Variants in ADCY8 observed in about 807,000 individuals in gnomAD.
The protein encoded by ADCY8 is adenylate cyclase 8.
In ADCY8, 51 loss-of-function variants were observed where a neutral mutation model predicts 119.7. That is an observed-to-expected ratio of 0.43 (90% CI 0.34 to 0.54). The LOEUF (loss-of-function observed/expected upper bound fraction) is 0.54, where lower values mean the gene tolerates loss of function less well. ADCY8 is among the 20% of genes least tolerant of loss of function. ADCY8 has a pLI of 0.03. For synonymous variants in ADCY8, 665 were observed against 651.0 expected (o/e 1.02, Z -0.33); for missense variants, 1,383 against 1,598.8 (o/e 0.87, Z 2.30).
intron 15 of ADCY8, among the ~76,000 whole-genome samples, chr8:130,795,461 G>A (rs1348659114): frequency 6.6e-6 from 1 of 152,250 alleles, no homozygotes; most frequent in Non-Finnish European, 1.5e-5. Flanking sequence ...CCGACCCTGA[G>A]TGGGAGAGTT....
chr8:130,886,547 A>G (rs4736717), intron 7 of ADCY8, among the ~76,000 whole-genome samples: 104,839 of 151,950 alleles, frequency 0.69, 36,318 homozygotes, highest in East Asian at 0.85. Context: ...TTGGTCAGAA[A>G]TTTTTTTCAT....
chr8:130,961,827 C>A (rs2130684673), intron 2 of ADCY8, among the ~76,000 whole-genome samples: 1 of 152,190 alleles, frequency 6.6e-6, no homozygotes, highest in Admixed American at 6.5e-5. Flanking sequence ...CTCATGGATG[C>A]ATTTTCTGCA....
At chr8:130,952,283 C>A (rs1821298028) in intron 2 of ADCY8, among the ~76,000 whole-genome samples, 1 of 152,084 alleles carries the variant, frequency 6.6e-6, no homozygotes, top group African/African-American at 2.4e-5. Flanking sequence ...CCAAAGATAC[C>A]TACACACATT....
At chr8:130,788,489 A>G (rs1319558714) in intron 15 of ADCY8, among the ~76,000 whole-genome samples, 5 of 152,112 alleles carry the variant, frequency 3.3e-5, no homozygotes, top group Non-Finnish European at 7.4e-5. Flanking sequence ...ATGGGGGTGA[A>G]GAGGGACTGG....
intron 12 of ADCY8, among the ~76,000 whole-genome samples, chr8:130,832,510 G>A (rs772586868): frequency 6.6e-6 from 1 of 152,102 alleles, no homozygotes; most frequent in Non-Finnish European, 1.5e-5. Flanking sequence ...ATTCACTACC[G>A]AGTGACTATC....
chr8:130,935,973 T>G (rs1336384083), intron 5 of ADCY8, among the ~76,000 whole-genome samples: 4 of 152,216 alleles, frequency 2.6e-5, no homozygotes, highest in Non-Finnish European at 4.4e-5. Context: ...CAAGGCTGGC[T>G]GTACCTTTGT....
At chr8:130,831,650 T>A (rs1216945413) in intron 12 of ADCY8, among the ~76,000 whole-genome samples, 1 of 152,192 alleles carries the variant, frequency 6.6e-6, no homozygotes, top group Non-Finnish European at 1.5e-5. Flanking sequence ...GTGGTCCAGA[T>A]GAAGGAGAGA....
chr8:130,843,747 G>C (rs1252300703), intron 11 of ADCY8, among the ~76,000 whole-genome samples: 3 of 152,102 alleles, frequency 2.0e-5, no homozygotes, highest in African/African-American at 2.4e-5. Context: ...CCTGTGCTGG[G>C]CCCTTTAGTC....
intron 2 of ADCY8, among the ~76,000 whole-genome samples, chr8:130,964,048 T>A (rs1821687831): frequency 6.6e-6 from 1 of 152,224 alleles, no homozygotes; most frequent in African/African-American, 2.4e-5. Context: ...CTTCTCTAAC[T>A]GGTCTGCTGA....
At chr8:130,939,778 C>T (rs1325788179) in intron 4 of ADCY8, among the ~76,000 whole-genome samples, 1 of 152,214 alleles carries the variant, frequency 6.6e-6, no homozygotes, top group Admixed American at 6.5e-5. Context: ...TGACAACTGA[C>T]ACCTGGAAGT....
chr8:130,928,564 G>A (rs1009372989), intron 5 of ADCY8, among the ~76,000 whole-genome samples: 3 of 152,180 alleles, frequency 2.0e-5, no homozygotes, highest in Non-Finnish European at 4.4e-5. Context: ...TCATTGTGAT[G>A]TATCACAGTT....
At chr8:130,901,649 G>T (rs1230254388) in intron 7 of ADCY8, among the ~76,000 whole-genome samples, 1 of 152,204 alleles carries the variant, frequency 6.6e-6, no homozygotes, top group East Asian at 1.9e-4. Context: ...TTAGGCATAA[G>T]TACAAACATT....
intron 7 of ADCY8, among the ~76,000 whole-genome samples, chr8:130,893,358 T>C (rs1057396065): frequency 6.6e-6 from 1 of 152,152 alleles, no homozygotes; most frequent in African/African-American, 2.4e-5. Context: ...AGGATTCACA[T>C]GGGACTCACA....
intron 2 of ADCY8, among the ~76,000 whole-genome samples, chr8:130,980,016 A>T (rs544022019): frequency 6.6e-6 from 1 of 152,304 alleles, no homozygotes; most frequent in African/African-American, 2.4e-5. Context: ...AGGTATTGTC[A>T]GGGTTGGATT....
chr8:130,978,629 G>C (rs894718100), intron 2 of ADCY8, among the ~76,000 whole-genome samples: 2 of 152,158 alleles, frequency 1.3e-5, no homozygotes, highest in Non-Finnish European at 2.9e-5. Context: ...ATCCAGCAGA[G>C]GAGATATGAA....
chr8:130,877,208 T>G (rs1818599607), intron 8 of ADCY8, among the ~76,000 whole-genome samples: 1 of 152,224 alleles, frequency 6.6e-6, no homozygotes, highest in Non-Finnish European at 1.5e-5. Context: ...CACTTAAGTA[T>G]TATCTGCATT....
chr8:130,940,158 G>A (rs1390996154), intron 4 of ADCY8, among the ~76,000 whole-genome samples: 2 of 152,144 alleles, frequency 1.3e-5, no homozygotes, highest in African/African-American at 4.8e-5. Context: ...GTCATCTTAC[G>A]GATGGGAACA....
At chr8:131,016,714 A>G (rs1471142139) in intron 1 of ADCY8, among the ~76,000 whole-genome samples, 1 of 152,030 alleles carries the variant, frequency 6.6e-6, no homozygotes, top group African/African-American at 2.4e-5. Flanking sequence ...GAGAGAGAGT[A>G]TGTGGAGACA....
intron 11 of ADCY8, among the ~76,000 whole-genome samples, chr8:130,837,232 TC>T (rs1563685490): frequency 6.6e-6 from 1 of 152,188 alleles, no homozygotes; most frequent in Non-Finnish European, 1.5e-5. Flanking sequence ...AACTTGAAGT[TC>T]TTTCATGGCT....
Sources: allele counts gnomAD v4.1 joint callset (sites outside exome capture counted in the v4.1 genomes callset), GRCh38; gene constraint gnomAD v4.1.1; transcripts MANE v1.5; gene names NCBI Gene and HGNC (gene_info 2026-07-23, HGNC 2026-07-21).